Variants in SNAI3 observed in about 807,000 individuals in gnomAD.
SNAI3 encodes snail family transcriptional repressor 3, also known as zinc finger protein SNAI3.
A neutral mutation model predicts 16.4 loss-of-function variants in SNAI3; 21 were observed. That is an observed-to-expected ratio of 1.28 (90% CI 0.91 to 1.85). The LOEUF (loss-of-function observed/expected upper bound fraction) is 1.85, where lower values mean the gene tolerates loss of function less well. Ranked by LOEUF, SNAI3 falls within the 40% of genes most tolerant of loss-of-function variation. The probability of loss-of-function intolerance (pLI) is 0.00; values close to 1 mark genes in which losing one functional copy is unlikely to be tolerated. For synonymous variants in SNAI3, 202 were observed against 166.6 expected, an observed-to-expected ratio of 1.21 and a Z score of -1.64; for missense variants, 457 against 372.8, an observed-to-expected ratio of 1.23 and a Z score of -1.86.
At chr16:88,679,051 CA>C in intron 2 of SNAI3, 1 of 985,460 alleles carries the variant, frequency 1.0e-6, no homozygotes, top group Non-Finnish European at 1.2e-6. Flanking sequence ...GGGATCTGGA[CA>C]AAGTCCTGCT....
chr16:88,685,260 A>G lies in SNAI3; in HGVS notation c.76+1071T>C, dbSNP rs538860259. The G allele has an allele frequency of 1.7e-4, 26 of 152,366 alleles. No homozygotes were observed. In the East Asian group the frequency reaches 3.5e-3, roughly 20 times the overall value. 9.4% of individuals were successfully genotyped at this position (152,366 alleles called of 1,614,324 possible). A position where few individuals can be genotyped will look rare whatever the true frequency, so the allele number is the denominator to read the frequency against. On this transcript the variant is annotated intron_variant, in intron 1 of 2. Transcript: ENST00000332281. Reference sequence around the variant, plus strand: ...TTTACAAAATTGCTGGGGGTGACTGATGAAACTGATTTCAAAATGCACATT... The same window carrying G: ...TTTACAAAATTGCTGGGGGTGACTGGTGAAACTGATTTCAAAATGCACATT...
intron 1 of SNAI3, among the ~76,000 whole-genome samples, chr16:88,684,429 A>G (rs1318666399): frequency 6.6e-6 from 1 of 152,146 alleles, no homozygotes; most frequent in Non-Finnish European, 1.5e-5. Context: ...TGCTTTCCCC[A>G]TACTCTCTGG....
At position 88,678,162 on chromosome 16, in the gene SNAI3, C is replaced by G; in HGVS notation, c.*286G>C. 1 of 370,194 alleles carries G rather than the reference C, an allele frequency of 2.7e-6. No individual in the cohort carries two copies. Among genetic ancestry groups the G allele is most frequent in the Non-Finnish European group, 4.9e-6 (1 of 202,452 alleles). 22.9% of individuals were successfully genotyped at this position (370,194 alleles called of 1,614,324 possible). On this transcript the variant is annotated 3_prime_UTR_variant, in exon 3 of 3. Transcript: ENST00000332281. ...CTCTTGGAAGGGTAGCCCCGGAGACCTGGCCGTGTCGAAATGGAACCATGG... is the reference window on the plus strand; with the variant it reads ...CTCTTGGAAGGGTAGCCCCGGAGACGTGGCCGTGTCGAAATGGAACCATGG...
At position 88,681,120 on chromosome 16, in the gene SNAI3, A is replaced by T; in HGVS notation, c.671T>A (p.Leu224Gln). The T allele has an allele frequency of 6.2e-7, 1 of 1,613,302 alleles. No homozygotes were observed. The highest frequency in any genetic ancestry group is 1.1e-5 in the South Asian group (1 of 91,062). Residue 224 changes from leucine (L) to glutamine (Q), a missense_variant, in exon 2 of 3, where the codon CTG becomes CAG. Coordinates refer to ENST00000332281, the MANE Select transcript of SNAI3 (RefSeq NM_178310.4). This position sits in a 1 kb window ranked among gnomAD's most constrained non-coding sequence, Gnocchi z 5.4. ...CGKAFSRPWL[L>Q]QGHVRTHTGE... ...TGTGTGGGTGCGGACATGGCCCTGC[A>T]GTAACCAGGGCCTGGAGAAGGCCTT... is the stretch of plus-strand genomic sequence containing the variant.
intron 2 of SNAI3, chr16:88,679,133 G>A: frequency 1.0e-6 from 1 of 980,094 alleles, no homozygotes; most frequent in Non-Finnish European, 1.2e-6. Flanking sequence ...TAGCCCCATA[G>A]AGTCCTGAGA....
chr16:88,683,083 C>A lies in SNAI3; in HGVS notation c.77-1369G>T, dbSNP rs1196089663. On this transcript the variant is annotated intron_variant, in intron 1 of 2. Coordinates refer to ENST00000332281, the MANE Select transcript of SNAI3 (RefSeq NM_178310.4). Reference sequence around the variant, plus strand: ...TGAGCCACCGCACCTGGCCCCCCACCCTTTTTTTTTTTTTTTTTTTGAGAC... The same window carrying A: ...TGAGCCACCGCACCTGGCCCCCCACACTTTTTTTTTTTTTTTTTTTGAGAC... Among the ~76,000 whole-genome samples, 19 of 128,514 alleles carry A rather than the reference C, an allele frequency of 1.5e-4. No homozygotes were observed. The Admixed American group carries it at 1.6e-3, about 11-fold the overall frequency. The allele number at this position is 128,514 out of a possible 152,430, so 84.3% of individuals were successfully genotyped here.
At chr16:88,678,835 TCTC>T (rs1006288031) in intron 2 of SNAI3, 26 of 985,256 alleles carry the variant, frequency 2.6e-5, no homozygotes, top group Admixed American at 6.1e-5. Context: ...AGGTGCTAGA[TCTC>T]CTAGTGTTGC....
intron 2 of SNAI3, chr16:88,678,923 C>G: frequency 2.0e-6 from 2 of 985,408 alleles, no homozygotes; most frequent in Non-Finnish European, 2.4e-6. Flanking sequence ...GCAGCTGTTT[C>G]TGGCCACTCA....
intron 2 of SNAI3, among the ~76,000 whole-genome samples, chr16:88,679,796 C>G (rs1343711054): frequency 1.1e-5 from 1 of 90,896 alleles, no homozygotes; most frequent in African/African-American, 4.1e-5. Flanking sequence ...AAAGTGTGAA[C>G]TAGCTGGGCA....
chr16:88,681,408 A>C lies in SNAI3; in HGVS notation c.383T>G (p.Leu128Trp). 6.2e-7 allele frequency: 1 copy of C among 1,611,198 alleles called. No homozygotes were observed. The highest frequency in any genetic ancestry group is 1.1e-5 in the South Asian group (1 of 90,916). ...LVLPTRWSPT[L>W]GPDRHGAPEK... ...CGGAGCCCCGTGCCGGTCTGGGCCC[A>C]AGGTCGGGGACCACCGTGTGGGCAG... The change falls in exon 2 of 3, where the codon TTG (leucine) becomes TGG (tryptophan). Residue 128 changes from leucine to tryptophan, a missense_variant. Transcript: ENST00000332281. The surrounding 1 kb of genome is among the most constrained non-coding windows in gnomAD (Gnocchi z 5.4).
rs754050466 is a variant in SNAI3, at chr16:88,681,253, C to T, written c.538G>A (p.Gly180Arg). The change falls in exon 2 of 3, where the codon GGG becomes AGG. Residue 180 changes from glycine (G) to arginine (R), a missense_variant. Physicochemically the swap from Gly to Arg is moderately radical, Grantham distance 125. Coordinates refer to ENST00000332281, the MANE Select transcript of SNAI3 (RefSeq NM_178310.4). The surrounding 1 kb of genome is among the most constrained non-coding windows in gnomAD (Gnocchi z 5.4). ...CAGTACTTGCAGGTGAAGACACGCC[C>T]CACCTGCAGGTGGCAGTGCAGCTGC... ...HRQLHCHLQV[G>R]RVFTCKYCDK... 6.2e-7 allele frequency: 1 copy of T among 1,613,610 alleles called. No homozygotes were observed. Among genetic ancestry groups the T allele is most frequent in the Non-Finnish European group, 8.5e-7 (1 of 1,180,012 alleles).
Position 88,678,679 on chromosome 16 carries a change from G to T in SNAI3, c.698-50C>A, listed in dbSNP as rs1597391926. On this transcript the variant is annotated intron_variant, in intron 2 of 2. Transcript: ENST00000332281. Reference sequence around the variant, plus strand: ...TGACACCATGGAAGATGGAGTGAAGGCTAAAGCACCCACCCTGCCCATCAA... The same window carrying T: ...TGACACCATGGAAGATGGAGTGAAGTCTAAAGCACCCACCCTGCCCATCAA... The T allele has an allele frequency of 2.5e-5, 38 of 1,547,844 alleles. No homozygotes were observed. In the East Asian group the frequency reaches 7.9e-4, roughly 32 times the overall value.
In SNAI3 at chr16:88,678,207, C is replaced by T. The variant is rs1438559064; in HGVS notation, c.*241G>A. 6.5e-6 allele frequency: 3 copies of T among 464,390 alleles called. No individual in the cohort carries two copies. The highest frequency in any genetic ancestry group is 7.7e-6 in the Non-Finnish European group (2 of 260,358). 28.8% of individuals were successfully genotyped at this position (464,390 alleles called of 1,614,324 possible). ...CCATGGCTCTTGTTCTGATGAAAGCCTTCCCCGGGAGAGGAGTCTCCTCTG... is the reference window on the plus strand; with the variant it reads ...CCATGGCTCTTGTTCTGATGAAAGCTTTCCCCGGGAGAGGAGTCTCCTCTG... On this transcript the variant is annotated 3_prime_UTR_variant, in exon 3 of 3. Coordinates refer to ENST00000332281, the MANE Select transcript of SNAI3 (RefSeq NM_178310.4).
In SNAI3 at chr16:88,686,329, A is replaced by T; in HGVS notation, c.76+2T>A. On this transcript the variant is annotated splice_donor_variant, in intron 1 of 2. Coordinates refer to ENST00000332281, the MANE Select transcript of SNAI3 (RefSeq NM_178310.4). LOFTEE classifies it high-confidence loss of function. Reference sequence around the variant, plus strand: ...GGGGCTCGGGGATCGGGTAGTCAGTACCTCTCTGCGTCTCCAGCCGCCGGT... The same window carrying T: ...GGGGCTCGGGGATCGGGTAGTCAGTTCCTCTCTGCGTCTCCAGCCGCCGGT... The T allele has an allele frequency of 6.2e-7, 1 of 1,610,130 alleles. No homozygotes were observed. Among genetic ancestry groups the T allele is most frequent in the Non-Finnish European group, 8.5e-7 (1 of 1,179,018 alleles).
At chr16:88,686,180 T>C in intron 1 of SNAI3, 151 bp downstream of exon 1, 1 of 1,051,218 alleles carries the variant, frequency 9.5e-7, no homozygotes, top group Non-Finnish European at 1.3e-6. Flanking sequence ...CCTCCCTCCC[T>C]GCAGCCGCAG....
chr16:88,678,487 C>G lies in SNAI3; in HGVS notation c.840G>C (p.Leu280=). ...AGCAGCCAGACTCCTCATGCCGCGCCAGGAGGGACATGCGGGAGAAGGTCT... is the reference window on the plus strand; with the variant it reads ...AGCAGCCAGACTCCTCATGCCGCGCGAGGAGGGACATGCGGGAGAAGGTCT... ...CTKTFSRMSL[L]ARHEESGCCP... Residue 280 remains leucine (L), a synonymous_variant, in exon 3 of 3, where the codon CTG becomes CTC. Coordinates refer to ENST00000332281, the MANE Select transcript of SNAI3 (RefSeq NM_178310.4). 1.3e-6 allele frequency: 1 copy of G among 780,410 alleles called. No homozygotes were observed. Among genetic ancestry groups the G allele is most frequent in the Non-Finnish European group, 2.4e-6 (1 of 421,676 alleles). The allele number at this position is 780,410 out of a possible 1,614,324, so 48.3% of individuals were successfully genotyped here. A position where few individuals can be genotyped will look rare whatever the true frequency, so the allele number is the denominator to read the frequency against.
chr16:88,683,618 C>CAATG (rs1909258885), intron 1 of SNAI3, among the ~76,000 whole-genome samples: 1 of 132,262 alleles, frequency 7.6e-6, no homozygotes, highest in Non-Finnish European at 1.5e-5. Context: ...AGTGCAATGG[C>CAATG]GTGATCTCAG....
rs904375768 is a variant in SNAI3 at position 88,678,156 on chromosome 16, G to A, written c.*292C>T. On this transcript the variant is annotated 3_prime_UTR_variant, in exon 3 of 3. Coordinates refer to ENST00000332281, the MANE Select transcript of SNAI3 (RefSeq NM_178310.4). ...CTCTGACTCTTGGAAGGGTAGCCCC[G>A]GAGACCTGGCCGTGTCGAAATGGAA... 16 of 353,156 alleles carry A rather than the reference G, an allele frequency of 4.5e-5. No homozygotes were observed. Among genetic ancestry groups the A allele is most frequent in the African/African-American group, 8.4e-5 (4 of 47,346 alleles). The allele number at this position is 353,156 out of a possible 1,614,324, so 21.9% of individuals were successfully genotyped here. A position where few individuals can be genotyped will look rare whatever the true frequency, so the allele number is the denominator to read the frequency against.
chr16:88,683,298 C>A (rs1193290582), intron 1 of SNAI3, among the ~76,000 whole-genome samples: 1 of 151,534 alleles, frequency 6.6e-6, no homozygotes, highest in Non-Finnish European at 1.5e-5. Context: ...CTCTGTCACC[C>A]AGGCTGGAGT....
Sources: allele counts gnomAD v4.1 joint callset (sites outside exome capture counted in the v4.1 genomes callset), GRCh38; gene constraint gnomAD v4.1.1; non-coding constraint Gnocchi (gnomAD v3.1); transcripts MANE v1.5; gene names NCBI Gene and HGNC (gene_info 2026-07-23, HGNC 2026-07-21).